Variants in DLEC1 observed in about 807,000 individuals in gnomAD.
The protein encoded by DLEC1 is DLEC1 cilia and flagella associated protein, also known as deleted in lung and esophageal cancer protein 1.
Under a neutral mutation model 198.1 loss-of-function variants are expected in DLEC1, and 146 were observed. The ratio of observed to expected loss-of-function variants is 0.74; its 90% CI spans 0.64 to 0.85. The LOEUF (loss-of-function observed/expected upper bound fraction) is 0.85, where lower values mean the gene tolerates loss of function less well. Ranked by LOEUF, DLEC1 falls within the 40% of genes least tolerant of loss-of-function variation. The pLI is 0.00. For missense variants in DLEC1, 2,233 were observed against 2,220.0 expected, an observed-to-expected ratio of 1.01 and a Z score of -0.12; for synonymous variants, 897 against 866.8, an observed-to-expected ratio of 1.03 and a Z score of -0.61.
chr3:38,064,091 GAA>G (rs1239743613), intron 6 of DLEC1, among the ~76,000 whole-genome samples, 172 bp downstream of exon 6: 4 of 147,796 alleles, frequency 2.7e-5, no homozygotes, highest in South Asian at 2.1e-4. Context: ...GGACAATAGT[GAA>G]GGGAAGGTCA....
At chr3:38,078,212 AC>A (rs1170469591) in intron 6 of DLEC1, among the ~76,000 whole-genome samples, 1 of 152,230 alleles carries the variant, frequency 6.6e-6, no homozygotes, top group Non-Finnish European at 1.5e-5. Context: ...AAGAGTGAGT[AC>A]AGCTGAAGGA....
In DLEC1 at chr3:38,086,379, T is replaced by A. The variant is rs1184289220; in HGVS notation, c.1572+2T>A. On this transcript the variant is annotated splice_donor_variant, in intron 9 of 36. Coordinates refer to ENST00000308059, the MANE Select transcript of DLEC1 (RefSeq NM_007335.4). LOFTEE classifies it high-confidence loss of function. ...AGCTGGCCACCACTAAGTTTCAAGG[T>A]GAGTGATCACAGGTTGCTAACTGGA... 5.6e-6 allele frequency: 9 copies of A among 1,599,536 alleles called. No homozygotes were observed. The highest frequency in any genetic ancestry group is 7.7e-6 in the Non-Finnish European group (9 of 1,173,182).
intron 19 of DLEC1, among the ~76,000 whole-genome samples, chr3:38,101,718 G>T (rs745512106): frequency 6.6e-6 from 1 of 152,096 alleles, no homozygotes; most frequent in Non-Finnish European, 1.5e-5. Flanking sequence ...GTTGGACTTT[G>T]TATACTTGAC....
chr3:38,104,255 G>A (rs1400215190), intron 19 of DLEC1, among the ~76,000 whole-genome samples: 4 of 152,142 alleles, frequency 2.6e-5, no homozygotes, highest in Admixed American at 2.0e-4. Context: ...TCAGGAGTAC[G>A]AGACCAGGCT....
At chr3:38,092,650 G>A (rs1698799153) in intron 10 of DLEC1, 140 bp from the exon 11 acceptor site, 1 of 765,726 alleles carries the variant, frequency 1.3e-6, no homozygotes, top group Non-Finnish European at 2.3e-6. Flanking sequence ...GGCCTTAGGA[G>A]TAAGGTGGGA....
chr3:38,059,788 A>T lies in DLEC1; in HGVS notation c.609A>T (p.Lys203Asn), dbSNP rs765278885. 1.9e-6 allele frequency: 3 copies of T among 1,614,166 alleles called. No homozygotes were observed. In the East Asian group the frequency reaches 6.7e-5, roughly 36 times the overall value. ...RWCIDSELLR[K>N]HHLISPEDYY... The stretch of plus-strand genomic sequence containing the variant: ...GTATAGACAGCGAGTTGCTACGGAA[A>T]CATCATTTGATCTCCCCAGAAGATT... The change falls in exon 3 of 37, where the codon AAA becomes AAT. Residue 203 changes from lysine (K) to asparagine (N), a missense_variant. By Grantham distance (94) the Lys-to-Asn change is moderately conservative. Coordinates refer to ENST00000308059, the MANE Select transcript of DLEC1 (RefSeq NM_007335.4).
At chr3:38,118,136 C>T in intron 33 of DLEC1, 112 bp downstream of exon 33, 2 of 1,207,148 alleles carry the variant, frequency 1.7e-6, no homozygotes, top group Non-Finnish European at 2.3e-6. Flanking sequence ...AACTGCATGC[C>T]TGACCCTGCC....
At chr3:38,120,931 A>C (rs866891023) in intron 34 of DLEC1, among the ~76,000 whole-genome samples, 39 of 152,310 alleles carry the variant, frequency 2.6e-4, no homozygotes, top group African/African-American at 7.9e-4. Context: ...GGCCAAAAGA[A>C]AGGCCTGATG....
Position 38,045,540 on chromosome 3 carries a change from C to A in DLEC1, c.412-3C>A. The A allele has an allele frequency of 6.2e-7, 1 of 1,611,516 alleles. No homozygotes were observed. Among genetic ancestry groups the A allele is most frequent in the South Asian group, 1.1e-5 (1 of 90,716 alleles). On this transcript the variant is annotated splice_polypyrimidine_tract_variant and splice_region_variant and intron_variant, in intron 1 of 36. Transcript: ENST00000308059. ...TCTGTGCATTTGATCATCCCCCTGC[C>A]AGATTCGGGAGCTCTATAAGCAGCG...
At chr3:38,085,146 G>C (rs557995396) in intron 7 of DLEC1, 128 bp from the exon 8 acceptor site, 1 of 987,758 alleles carries the variant, frequency 1.0e-6, no homozygotes, top group South Asian at 1.4e-5. Context: ...CCTGCCATCA[G>C]CGTGGCTTTG....
chr3:38,052,086 G>T (rs764793433), intron 2 of DLEC1: 3 of 286,816 alleles, frequency 1.0e-5, no homozygotes, highest in Non-Finnish European at 1.4e-5. Context: ...AGTAGCAAAG[G>T]AACCATTGAC....
intron 2 of DLEC1, among the ~76,000 whole-genome samples, chr3:38,055,458 A>G (rs536892221): frequency 6.6e-6 from 1 of 152,358 alleles, no homozygotes; most frequent in South Asian, 2.1e-4. Context: ...GCCATGTGAT[A>G]CAGTGAGTGT....
At chr3:38,096,840 G>T in intron 15 of DLEC1, 103 bp downstream of exon 15, 1 of 1,350,314 alleles carries the variant, frequency 7.4e-7, no homozygotes, top group Non-Finnish European at 1.0e-6. Context: ...AGCAGCCACT[G>T]CATGGAGGCT....
Position 38,116,601 on chromosome 3 carries a change from C to T in DLEC1, c.4005C>T (p.Leu1335=). 6.2e-7 allele frequency: 1 copy of T among 1,614,130 alleles called. No homozygotes were observed. The highest frequency in any genetic ancestry group is 1.1e-5 in the South Asian group (1 of 91,090). The change falls in exon 28 of 37, where the codon CTC becomes CTT. Residue 1335 remains leucine (L), a synonymous_variant. Coordinates refer to ENST00000308059, the MANE Select transcript of DLEC1 (RefSeq NM_007335.4). ...VCPDTPEGGC[L]LWSPGPSSSS... ...CTGATACCCCTGAGGGTGGCTGCCT[C>T]CTCTGGTCCCCAGGCCCCTCCAGTT...
At chr3:38,078,459 T>C (rs1283430384) in intron 6 of DLEC1, among the ~76,000 whole-genome samples, 3 of 152,150 alleles carry the variant, frequency 2.0e-5, no homozygotes, top group Admixed American at 6.5e-5. Flanking sequence ...GAAATCCGAC[T>C]GCACTAACCA....
intron 16 of DLEC1, 92 bp downstream of exon 16, chr3:38,097,367 G>T: frequency 6.5e-7 from 1 of 1,535,246 alleles, no homozygotes; most frequent in Non-Finnish European, 8.8e-7. Flanking sequence ...CAGGGCTCTT[G>T]GTGTCCTGTG....
chr3:38,083,405 T>C (rs1488854144), intron 6 of DLEC1, among the ~76,000 whole-genome samples: 3 of 152,126 alleles, frequency 2.0e-5, no homozygotes, highest in African/African-American at 7.2e-5. Context: ...GGGGAGCTTT[T>C]TGAGCCAGGA....
In DLEC1 at chr3:38,094,986, A is replaced by T; in HGVS notation, c.2027A>T (p.Glu676Val). Residue 676 changes from glutamate (E) to valine (V), a missense_variant, in exon 13 of 37, where the codon GAG becomes GTG. Physicochemically the swap from Glu to Val is moderately radical, Grantham distance 121. Transcript: ENST00000308059. ...MDSIKCYPDK[E>V]TAFSIMPRKG... Reference sequence around the variant, plus strand: ...AGCATCAAGTGCTACCCCGACAAGGAGACTGCCTTCTCCATCATGCCCAGA... The same window carrying T: ...AGCATCAAGTGCTACCCCGACAAGGTGACTGCCTTCTCCATCATGCCCAGA... The T allele has an allele frequency of 6.2e-7, 1 of 1,614,236 alleles. No individual in the cohort carries two copies.
chr3:38,117,233 G>A lies in DLEC1; in HGVS notation c.4331G>A (p.Arg1444Lys). 1 of 1,614,166 alleles carries A rather than the reference G, an allele frequency of 6.2e-7. No individual in the cohort carries two copies. The highest frequency in any genetic ancestry group is 8.5e-7 in the Non-Finnish European group (1 of 1,180,004). ...GTGGAAAGGGAGATTCCAGGGAAGA[G>A]GCATCGCCTGCAGGACTTTGCGGTG... ...SKVEREIPGKRHRLQDFAVGP... is the reference protein window; with the variant it reads ...SKVEREIPGKKHRLQDFAVGP... The change falls in exon 31 of 37, where the codon AGG (arginine) becomes AAG (lysine). Residue 1444 changes from arginine to lysine, a missense_variant. Physicochemically the swap from Arg to Lys is conservative, Grantham distance 26. Coordinates refer to ENST00000308059, the MANE Select transcript of DLEC1 (RefSeq NM_007335.4).
Sources: gnomAD v4.1 joint callset for allele counts (sites outside exome capture counted in the v4.1 genomes callset) on GRCh38, gnomAD v4.1.1 for gene constraint, MANE v1.5 for transcripts, NCBI Gene and HGNC (gene_info 2026-07-23, HGNC 2026-07-21) for gene names.